Variants in OR6T1 observed in about 807,000 individuals in gnomAD.
OR6T1 encodes the protein olfactory receptor family 6 subfamily T member 1.
For synonymous variants in OR6T1, 179 were observed against 159.1 expected, an observed-to-expected ratio of 1.13 and a Z score of -0.94; for missense variants, 389 against 390.5, an observed-to-expected ratio of 1.00 and a Z score of 0.03.
In OR6T1 at chr11:123,942,874, C is replaced by T. The variant is rs1565576565; in HGVS notation, c.965G>A (p.Arg322Lys). ...AVMKLRVTSQRK is the reference protein window; with the variant it reads ...AVMKLRVTSQKK The stretch of plus-strand genomic sequence containing the variant: ...ATCTCCCATTTAATAAGATCATTTC[C>T]TTTGACTTGTGACCCTCAGTTTCAT... Residue 322 changes from arginine (R) to lysine (K), a missense_variant, in exon 1 of 1, where the codon AGG becomes AAG. Arg to Lys is a conservative substitution (Grantham distance 26). Transcript: ENST00000321252. 1 of 1,612,148 alleles carries T rather than the reference C, an allele frequency of 6.2e-7. No homozygotes were observed. Among genetic ancestry groups the T allele is most frequent in the Non-Finnish European group, 8.5e-7 (1 of 1,179,272 alleles).
Position 123,943,422 on chromosome 11 carries a change from A to G in OR6T1, c.417T>C (p.His139=), listed in dbSNP as rs1355501084. 7 of 1,614,190 alleles carry G rather than the reference A, an allele frequency of 4.3e-6. No homozygotes were observed. The highest frequency in any genetic ancestry group is 2.2e-5 in the East Asian group (1 of 44,854). ...AGGCCAGCACTAGTTGGGAACAGAC[A>G]TGGCCATTCATCAGGGTCTCATAGC... is the stretch of plus-strand genomic sequence containing the variant. ...PLRYETLMNG[H]VCSQLVLASW... Residue 139 remains histidine (H), a synonymous_variant, in exon 1 of 1, where the codon CAT becomes CAC. Coordinates refer to ENST00000321252, the MANE Select transcript of OR6T1 (RefSeq NM_001005187.1).
chr11:123,943,539 C>T lies in OR6T1; in HGVS notation c.300G>A (p.Gln100=). The T allele has an allele frequency of 6.2e-7, 1 of 1,614,130 alleles. No individual in the cohort carries two copies. The highest frequency in any genetic ancestry group is 8.5e-7 in the Non-Finnish European group (1 of 1,180,038). Residue 100 remains glutamine (Q), a synonymous_variant, in exon 1 of 1, where the codon CAG becomes CAA. Coordinates refer to ENST00000321252, the MANE Select transcript of OR6T1 (RefSeq NM_001005187.1). ...HTISFVSCII[Q]SYLYFFLGTT... is the part of the protein sequence containing the mutation. ...TGCCTAGAAAGAAGTAGAGGTAGGA[C>T]TGGATGATGCAGCTGACAAATGAGA...
rs755409697 is a variant in OR6T1 at position 123,943,457 on chromosome 11, G to T, written c.382C>A (p.Arg128=). 1 of 1,613,970 alleles carries T rather than the reference G, an allele frequency of 6.2e-7. No individual in the cohort carries two copies. Among genetic ancestry groups the T allele is most frequent in the African/African-American group, 1.3e-5 (1 of 74,912 alleles). The change falls in exon 1 of 1, where the codon CGA becomes AGA. Residue 128 remains arginine, a synonymous_variant. Transcript: ENST00000321252. ...MSLDRYLAIC[R]PLRYETLMNG... ...ATCAGGGTCTCATAGCGGAGTGGTCGGCAGATTGCCAGGTAACGATCCAGA... is the reference window on the plus strand; with the variant it reads ...ATCAGGGTCTCATAGCGGAGTGGTCTGCAGATTGCCAGGTAACGATCCAGA...
At position 123,943,659 on chromosome 11, in the gene OR6T1, G is replaced by A. The variant is rs1360498760; in HGVS notation, c.180C>T (p.Tyr60=). ...WIDQRLHIQM[Y]FFLRNFSFLE... is the part of the protein sequence containing the mutation. The stretch of plus-strand genomic sequence containing the variant: ...GGAAGGAGAAATTCCGCAGGAAGAA[G>A]TACATCTGTATGTGCAGGCGTTGGT... The change falls in exon 1 of 1, where the codon TAC becomes TAT. Residue 60 remains tyrosine (Y), a synonymous_variant. Transcript: ENST00000321252. 4.3e-6 allele frequency: 7 copies of A among 1,614,090 alleles called. No individual in the cohort carries two copies. The highest frequency in any genetic ancestry group is 5.9e-6 in the Non-Finnish European group (7 of 1,180,016).
In OR6T1 at chr11:123,943,647, C is replaced by T; in HGVS notation, c.192G>A (p.Arg64=). ...GCAACAGCTCCAGGAAGGAGAAATT[C>T]CGCAGGAAGAAGTACATCTGTATGT... The part of the protein sequence containing the change: ...RLHIQMYFFL[R]NFSFLELLLV... Residue 64 remains arginine, a synonymous_variant, in exon 1 of 1, where the codon CGG becomes CGA. Coordinates refer to ENST00000321252, the MANE Select transcript of OR6T1 (RefSeq NM_001005187.1). The T allele has an allele frequency of 6.2e-7, 1 of 1,614,192 alleles. No individual in the cohort carries two copies. The highest frequency in any genetic ancestry group is 2.2e-5 in the East Asian group (1 of 44,884).
rs765406550 is a variant in OR6T1, at chr11:123,943,448, G to A, written c.391C>T (p.Arg131Cys). 42 of 1,614,024 alleles carry A rather than the reference G, an allele frequency of 2.6e-5. No individual in the cohort carries two copies. The highest frequency in any genetic ancestry group is 2.7e-5 in the Non-Finnish European group (32 of 1,180,036). ...TGGCCATTCATCAGGGTCTCATAGC[G>A]GAGTGGTCGGCAGATTGCCAGGTAA... Reference protein sequence around the residue: ...DRYLAICRPLRYETLMNGHVC... With the variant: ...DRYLAICRPLCYETLMNGHVC... Residue 131 changes from arginine to cysteine, a missense_variant, in exon 1 of 1, where the codon CGC (arginine) becomes TGC (cysteine). Coordinates refer to ENST00000321252, the MANE Select transcript of OR6T1 (RefSeq NM_001005187.1).
rs751425475 is a variant in OR6T1 at position 123,943,318 on chromosome 11, A to G, written c.521T>C (p.Ile174Thr). Residue 174 changes from isoleucine to threonine, a missense_variant, in exon 1 of 1, where the codon ATT becomes ACT. Physicochemically the swap from Ile to Thr is moderately conservative, Grantham distance 89. Coordinates refer to ENST00000321252, the MANE Select transcript of OR6T1 (RefSeq NM_001005187.1). ...ASLPFCGPNG[I>T]DHFFRDSWPL... ...CCAACTGTCACGAAAGAAGTGGTCA[A>G]TACCATTGGGGCCACAGAAAGGCAG... The G allele has an allele frequency of 6.2e-7, 1 of 1,614,178 alleles. No individual in the cohort carries two copies. Among genetic ancestry groups the G allele is most frequent in the African/African-American group, 1.3e-5 (1 of 75,064 alleles).
Position 123,943,036 on chromosome 11 carries a change from T to C in OR6T1, c.803A>G (p.Lys268Arg). The C allele has an allele frequency of 2.5e-6, 4 of 1,614,078 alleles. No homozygotes were observed. The South Asian group carries it at 3.3e-5, about 13-fold the overall frequency. Residue 268 changes from lysine to arginine, a missense_variant, in exon 1 of 1, where the codon AAA (lysine) becomes AGA (arginine). Coordinates refer to ENST00000321252, the MANE Select transcript of OR6T1 (RefSeq NM_001005187.1). Reference protein sequence around the residue: ...LYIRMSEAQSKLLNKGASVLS... With the variant: ...LYIRMSEAQSRLLNKGASVLS... ...GACGGAGGCACCTTTGTTGAGCAGT[T>C]TGGACTGAGCCTCTGACATACGAAT...
Position 123,943,814 on chromosome 11 carries a change from C to A in OR6T1, c.25G>T (p.Val9Leu), listed in dbSNP as rs142518795. 1 of 1,613,250 alleles carries A rather than the reference C, an allele frequency of 6.2e-7. No individual in the cohort carries two copies. Among genetic ancestry groups the A allele is most frequent in the Non-Finnish European group, 8.5e-7 (1 of 1,179,584 alleles). ...AAACCCAGAAGGACAAAGCTTGTTA[C>A]CTGAGTCCAGTTTTCAGGGTTCATC... MNPENWTQ[V>L]TSFVLLGFPS... is the part of the protein sequence containing the mutation. Residue 9 changes from valine (V) to leucine (L), a missense_variant, in exon 1 of 1, where the codon GTA (valine) becomes TTA (leucine). By Grantham distance (32) the Val-to-Leu change is conservative. Transcript: ENST00000321252.
At position 123,942,940 on chromosome 11, in the gene OR6T1, G is replaced by A; in HGVS notation, c.899C>T (p.Ala300Val). The A allele has an allele frequency of 1.2e-6, 2 of 1,614,112 alleles. No individual in the cohort carries two copies. The highest frequency in any genetic ancestry group is 1.7e-6 in the Non-Finnish European group (2 of 1,179,988). Residue 300 changes from alanine to valine, a missense_variant, in exon 1 of 1, where the codon GCA becomes GTA. By Grantham distance (64) the Ala-to-Val change is moderately conservative (BLOSUM62 0). Transcript: ENST00000321252. Reference sequence around the variant, plus strand: ...GGGCCACCCCAAGGCTTCTCTCAGTGCTTGCTGCACCTTGTCATTGCGGAG... The same window carrying A: ...GGGCCACCCCAAGGCTTCTCTCAGTACTTGCTGCACCTTGTCATTGCGGAG... The part of the protein sequence containing the change: ...FTLRNDKVQQ[A>V]LREALGWPRL...
In OR6T1 at chr11:123,943,596, C is replaced by G; in HGVS notation, c.243G>C (p.Met81Ile). ...GATCCCCCGTGAGGATGACGACAAGCATCTTGGGAACCACAACAGTTACCA... is the reference window on the plus strand; with the variant it reads ...GATCCCCCGTGAGGATGACGACAAGGATCTTGGGAACCACAACAGTTACCA... ...LLLVTVVVPK[M>I]LVVILTGDHT... Residue 81 changes from methionine to isoleucine, a missense_variant, in exon 1 of 1, where the codon ATG becomes ATC. Coordinates refer to ENST00000321252, the MANE Select transcript of OR6T1 (RefSeq NM_001005187.1). The G allele has an allele frequency of 6.2e-7, 1 of 1,614,196 alleles. No individual in the cohort carries two copies. Among genetic ancestry groups the G allele is most frequent in the South Asian group, 1.1e-5 (1 of 91,086 alleles).
chr11:123,943,631 C>CCAGGAAGGAGAAATTCCG lies in OR6T1; in HGVS notation c.190_207dup (p.Arg64_Leu69dup), dbSNP rs1490315885. On this transcript the variant is annotated inframe_insertion, in exon 1 of 1. Coordinates refer to ENST00000321252, the MANE Select transcript of OR6T1 (RefSeq NM_001005187.1). Reference sequence around the variant, plus strand: ...ACCACAACAGTTACCAGCAACAGCTCCAGGAAGGAGAAATTCCGCAGGAAG... The same window carrying CCAGGAAGGAGAAATTCCG: ...ACCACAACAGTTACCAGCAACAGCTCCAGGAAGGAGAAATTCCGCAGGAAGGAGAAATTCCGCAGGAAG... 2 of 1,614,184 alleles carry CCAGGAAGGAGAAATTCCG rather than the reference C, an allele frequency of 1.2e-6. No individual in the cohort carries two copies. The highest frequency in any genetic ancestry group is 1.7e-6 in the Non-Finnish European group (2 of 1,180,022).
In OR6T1 at chr11:123,943,501, A is replaced by C. The variant is rs1255520714; in HGVS notation, c.338T>G (p.Phe113Cys). 1 of 1,614,138 alleles carries C rather than the reference A, an allele frequency of 6.2e-7. No homozygotes were observed. The highest frequency in any genetic ancestry group is 1.7e-5 in the Admixed American group (1 of 60,012). ...ATCCAGAGACATGACGGCCAAGAGG[A>C]AGAAGTCAGTGGTGCCTAGAAAGAA... Reference protein sequence around the residue: ...LYFFLGTTDFFLLAVMSLDRY... With the variant: ...LYFFLGTTDFCLLAVMSLDRY... The change falls in exon 1 of 1, where the codon TTC (phenylalanine) becomes TGC (cysteine). Residue 113 changes from phenylalanine (F) to cysteine (C), a missense_variant. Coordinates refer to ENST00000321252, the MANE Select transcript of OR6T1 (RefSeq NM_001005187.1).
At position 123,943,111 on chromosome 11, in the gene OR6T1, G is replaced by A. The variant is rs143281751; in HGVS notation, c.728C>T (p.Ser243Leu). ...GATGATGACCACCACTGTAAGATGC[G>A]AGGCGCAAGTGGAAAACGCTTTCCT... ...ERRKAFSTCASHLTVVVIIYG... is the reference protein window; with the variant it reads ...ERRKAFSTCALHLTVVVIIYG... The change falls in exon 1 of 1, where the codon TCG becomes TTG. Residue 243 changes from serine to leucine, a missense_variant. Ser to Leu is a moderately radical substitution (Grantham distance 145). Transcript: ENST00000321252. 2.7e-4 allele frequency: 437 copies of A among 1,614,190 alleles called. 3 individuals are homozygous for A. In the African/African-American group the frequency reaches 4.3e-3, roughly 16 times the overall value.
chr11:123,942,940 G>T lies in OR6T1; in HGVS notation c.899C>A (p.Ala300Glu), dbSNP rs1389725813. Residue 300 changes from alanine to glutamate, a missense_variant, in exon 1 of 1, where the codon GCA becomes GAA. Ala to Glu is a moderately radical substitution (Grantham distance 107). Coordinates refer to ENST00000321252, the MANE Select transcript of OR6T1 (RefSeq NM_001005187.1). ...GGGCCACCCCAAGGCTTCTCTCAGT[G>T]CTTGCTGCACCTTGTCATTGCGGAG... Reference protein sequence around the residue: ...FTLRNDKVQQALREALGWPRL... With the variant: ...FTLRNDKVQQELREALGWPRL... 6.2e-7 allele frequency: 1 copy of T among 1,613,994 alleles called. No homozygotes were observed. The highest frequency in any genetic ancestry group is 8.5e-7 in the Non-Finnish European group (1 of 1,179,996).
At position 123,943,316 on chromosome 11, in the gene OR6T1, C is replaced by T. The variant is rs149839618; in HGVS notation, c.523G>A (p.Asp175Asn). The T allele has an allele frequency of 9.8e-5, 158 of 1,614,106 alleles. No homozygotes were observed. The African/African-American group carries it at 1.9e-3, about 20-fold the overall frequency. ...SLPFCGPNGI[D>N]HFFRDSWPLL... ...GGCCAACTGTCACGAAAGAAGTGGT[C>T]AATACCATTGGGGCCACAGAAAGGC... is the stretch of plus-strand genomic sequence containing the variant. The change falls in exon 1 of 1, where the codon GAC becomes AAC. Residue 175 changes from aspartate to asparagine, a missense_variant. Asp to Asn is a conservative substitution (Grantham distance 23). Coordinates refer to ENST00000321252, the MANE Select transcript of OR6T1 (RefSeq NM_001005187.1).
Position 123,943,771 on chromosome 11 carries a change from A to G in OR6T1, c.68T>C (p.Ile23Thr), listed in dbSNP as rs6590022. ...TAACCCCAGGAACACCAGGAACTGTATGAGGTGGCTACTGGGGAAACCCAG... is the reference window on the plus strand; with the variant it reads ...TAACCCCAGGAACACCAGGAACTGTGTGAGGTGGCTACTGGGGAAACCCAG... ...VLLGFPSSHL[I>T]QFLVFLGLMV... The change falls in exon 1 of 1, where the codon ATA becomes ACA. Residue 23 changes from isoleucine (I) to threonine (T), a missense_variant. Transcript: ENST00000321252. The G allele has an allele frequency of 0.018, 29,800 of 1,614,058 alleles. 1,749 individuals are homozygous for G. The highest frequency in any genetic ancestry group is 0.17 in the Admixed American group (10,021 of 60,010).
Position 123,942,912 on chromosome 11 carries a change from C to T in OR6T1, c.927G>A (p.Arg309=). ...CCCTCAGTTTCATCACAGCAGTGAG[C>T]CTGGGCCACCCCAAGGCTTCTCTCA... is the stretch of plus-strand genomic sequence containing the variant. ...QALREALGWP[R]LTAVMKLRVT... is the part of the protein sequence containing the mutation. Residue 309 remains arginine (R), a synonymous_variant, in exon 1 of 1, where the codon AGG becomes AGA. Transcript: ENST00000321252. 1 of 1,614,078 alleles carries T rather than the reference C, an allele frequency of 6.2e-7. No individual in the cohort carries two copies. Among genetic ancestry groups the T allele is most frequent in the Non-Finnish European group, 8.5e-7 (1 of 1,179,986 alleles).
In OR6T1 at chr11:123,943,549, C is replaced by A; in HGVS notation, c.290G>T (p.Cys97Phe). Residue 97 changes from cysteine (C) to phenylalanine (F), a missense_variant, in exon 1 of 1, where the codon TGC becomes TTC. By Grantham distance (205) the Cys-to-Phe change is radical. Transcript: ENST00000321252. ...GAAGTAGAGGTAGGACTGGATGATG[C>A]AGCTGACAAATGAGATGGTGTGATC... ...TGDHTISFVS[C>F]IIQSYLYFFL... is the part of the protein sequence containing the mutation. The A allele has an allele frequency of 6.2e-7, 1 of 1,614,134 alleles. No homozygotes were observed. Among genetic ancestry groups the A allele is most frequent in the Non-Finnish European group, 8.5e-7 (1 of 1,180,016 alleles).
Sources: allele counts gnomAD v4.1 joint callset, GRCh38; gene constraint gnomAD v4.1.1; transcripts MANE v1.5; gene names NCBI Gene and HGNC (gene_info 2026-07-23, HGNC 2026-07-21).